Variants in CSDE1 observed in about 807,000 individuals in gnomAD.
CSDE1 encodes the protein cold shock domain-containing protein E1.
Under a neutral mutation model 89.3 loss-of-function variants are expected in CSDE1, and 17 were observed. The observed-to-expected ratio is 0.19, with a 90% CI of 0.13 to 0.29. The LOEUF is 0.29. Ranked by LOEUF, CSDE1 falls within the 10% of genes least tolerant of loss-of-function variation. CSDE1 has a pLI of 1.00. For synonymous variants in CSDE1, 322 were observed against 332.8 expected (o/e 0.97, Z 0.35); for missense variants, 672 against 984.2 (o/e 0.68, Z 4.24).
At chr1:114,741,495 G>A (rs1200972890) in intron 2 of CSDE1, 2 of 1,534,990 alleles carry the variant, frequency 1.3e-6, no homozygotes, top group Non-Finnish European at 1.8e-6. Context: ...CACAAAGCAA[G>A]GTAAGCTGAG....
chr1:114,732,209 C>T (rs1373932424), intron 10 of CSDE1, among the ~76,000 whole-genome samples: 1 of 151,990 alleles, frequency 6.6e-6, no homozygotes, highest in East Asian at 1.9e-4. Context: ...CTTTTGGCTT[C>T]CCTGGACCAC....
At chr1:114,751,693 T>TA (rs11370161) in intron 1 of CSDE1, among the ~76,000 whole-genome samples, 10,622 of 142,264 alleles carry the variant, frequency 0.075, 539 homozygotes, top group African/African-American at 0.15. Context: ...TGGGAAGCTT[T>TA]AAAAAAAAAA....
intron 1 of CSDE1, among the ~76,000 whole-genome samples, chr1:114,757,058 C>T (rs1377606991): frequency 6.6e-6 from 1 of 152,194 alleles, no homozygotes. Flanking sequence ...ATGAGAACTA[C>T]AGGAGGTGGA....
chr1:114,735,982 T>C (rs913697094), intron 6 of CSDE1, among the ~76,000 whole-genome samples: 11 of 152,220 alleles, frequency 7.2e-5, no homozygotes, highest in East Asian at 1.9e-4. Context: ...CACTCAAAAA[T>C]TGCCAAGATA....
At chr1:114,725,386 T>TA in intron 14 of CSDE1, 53 bp from the exon 15 acceptor site, 1 of 1,321,976 alleles carries the variant, frequency 7.6e-7, no homozygotes, top group Non-Finnish European at 1.1e-6. Context: ...ACATCAACAG[T>TA]AACAGGCAGT....
chr1:114,747,186 T>G (rs1444802884), intron 2 of CSDE1, among the ~76,000 whole-genome samples: 1 of 152,244 alleles, frequency 6.6e-6, no homozygotes, highest in Non-Finnish European at 1.5e-5. Context: ...TATTCTTTCT[T>G]GCCATTTTAT....
intron 16 of CSDE1, among the ~76,000 whole-genome samples, chr1:114,723,047 CGG>C (rs768589442): frequency 6.6e-6 from 1 of 151,942 alleles, no homozygotes; most frequent in Non-Finnish European, 1.5e-5. Context: ...ATAGTAGAGA[CGG>C]GGTTTCACCA....
chr1:114,726,851 T>C, intron 13 of CSDE1, 132 bp downstream of exon 13: 1 of 593,890 alleles, frequency 1.7e-6, no homozygotes, highest in Non-Finnish European at 3.0e-6. Context: ...AAATACAAGA[T>C]ATTCATGTAT....
At chr1:114,723,772 T>C (rs1195760821) in intron 16 of CSDE1, 111 bp downstream of exon 16, 2 of 1,470,394 alleles carry the variant, frequency 1.4e-6, no homozygotes, top group East Asian at 4.6e-5. Context: ...TTTTCCTTAA[T>C]TCAGTTTTAA....
chr1:114,734,224 A>G (rs1660268406), intron 7 of CSDE1, 107 bp from the exon 8 acceptor site: 2 of 1,315,928 alleles, frequency 1.5e-6, no homozygotes, highest in African/African-American at 1.5e-5. Context: ...TCACAATAAT[A>G]TAATTTGGTA....
chr1:114,734,173 T>G lies in CSDE1; in HGVS notation c.583-56A>C. 3 of 1,561,794 alleles carry G rather than the reference T, an allele frequency of 1.9e-6. No homozygotes were observed. In the South Asian group the frequency reaches 3.6e-5, roughly 19 times the overall value. On this transcript the variant is annotated intron_variant, in intron 7 of 19. Transcript: ENST00000358528. ...TTACCACTCTGTACAAATTTATGAT[T>G]ACAACTTAAAACCAGTAATTTTTGT... is the stretch of plus-strand genomic sequence containing the variant.
chr1:114,746,427 T>G (rs574766383), intron 2 of CSDE1: 1 of 152,162 alleles, frequency 6.6e-6, no homozygotes, highest in African/African-American at 2.4e-5. Context: ...ATAAAAAAAC[T>G]ATAACCTAAT....
chr1:114,738,166 T>A (rs2101052534), intron 3 of CSDE1, 94 bp from the exon 4 acceptor site: 2 of 947,092 alleles, frequency 2.1e-6, no homozygotes, highest in Middle Eastern at 4.4e-4. Flanking sequence ...TTGAATTGCC[T>A]TAGACCAGTG....
At position 114,717,073 on chromosome 1, in the gene CSDE1, T is replaced by TC. The variant is rs1013418878; in HGVS notation, c.*1095dup. 5 of 152,676 alleles carry TC rather than the reference T, an allele frequency of 3.3e-5. No homozygotes were observed. The highest frequency in any genetic ancestry group is 6.5e-5 in the Admixed American group (1 of 15,274). 9.5% of individuals were successfully genotyped at this position (152,676 alleles called of 1,614,324 possible). On this transcript the variant is annotated 3_prime_UTR_variant, in exon 20 of 20. Coordinates refer to ENST00000358528, the MANE Select transcript of CSDE1 (RefSeq NM_001007553.3). ...GACAAGGGGGAAGATAAAACCGCCC[T>TC]CCCCCACATCCCCTGAGCTGACCCT... is the stretch of plus-strand genomic sequence containing the variant.
intron 16 of CSDE1, 130 bp from the exon 17 acceptor site, chr1:114,720,847 G>T (rs749852563): frequency 1.0e-5 from 8 of 781,624 alleles, no homozygotes; most frequent in African/African-American, 3.5e-5. Context: ...TCAGTACTCA[G>T]AAGTTTCACC....
rs750204808 is a variant in CSDE1, at chr1:114,730,363, C to G, written c.1251G>C (p.Thr417=). The G allele has an allele frequency of 1.2e-6, 2 of 1,613,984 alleles. No homozygotes were observed. The highest frequency in any genetic ancestry group is 2.7e-5 in the African/African-American group (2 of 74,898). The part of the protein sequence containing the change: ...AIRIKKLPKG[T]VSFHSHSDHR... ...GATCTGAATGGGAATGAAATGAAACCGTGCCCTTGGGAAGTTTTTTAATCC... is the reference window on the plus strand; with the variant it reads ...GATCTGAATGGGAATGAAATGAAACGGTGCCCTTGGGAAGTTTTTTAATCC... The change falls in exon 12 of 20, where the codon ACG becomes ACC. Residue 417 remains threonine (T), a synonymous_variant. Coordinates refer to ENST00000358528, the MANE Select transcript of CSDE1 (RefSeq NM_001007553.3).
intron 2 of CSDE1, 35 bp from the exon 3 acceptor site, chr1:114,739,925 G>A (rs200606769): frequency 1.4e-4 from 212 of 1,525,280 alleles, no homozygotes; most frequent in Admixed American, 2.0e-4. Flanking sequence ...ATACATATCT[G>A]TACATTATCT....
Position 114,723,886 on chromosome 1 carries a change from C to T in CSDE1, c.1870G>A (p.Glu624Lys), listed in dbSNP as rs138010811. ...EYQGMIEIVE[E>K]GDMKGEVYPF... is the part of the protein sequence containing the mutation. ...GCCTGATAGTGATGATCCTTACCCT[C>T]CTCCACAATCTCAATCATTCCTTGG... Residue 624 changes from glutamate to lysine, a missense_variant, in exon 16 of 20, where the codon GAG (glutamate) becomes AAG (lysine). By Grantham distance (56) the Glu-to-Lys change is moderately conservative (BLOSUM62 1). This residue lies in a region of CSDE1 where 206 missense variants were observed against 332.4 expected (regional missense o/e 0.62). Coordinates refer to ENST00000358528, the MANE Select transcript of CSDE1 (RefSeq NM_001007553.3). 6.2e-7 allele frequency: 1 copy of T among 1,613,960 alleles called. No homozygotes were observed. Among genetic ancestry groups the T allele is most frequent in the South Asian group, 1.1e-5 (1 of 91,066 alleles).
rs747693990 is a variant in CSDE1 at position 114,720,633 on chromosome 1, T to C, written c.1958A>G (p.Lys653Arg). ...GDCLQKGESV[K>R]FQLCVLGQNA... ...TTGGCCCAGGACACACAATTGGAAC[T>C]TGACGCTCTCCCCTTTCTGCAGGCA... The change falls in exon 17 of 20, where the codon AAG becomes AGG. Residue 653 changes from lysine to arginine, a missense_variant. By Grantham distance (26) the Lys-to-Arg change is conservative. This residue lies in a region of CSDE1 where 206 missense variants were observed against 332.4 expected (regional missense o/e 0.62). Transcript: ENST00000358528. 1 of 1,614,160 alleles carries C rather than the reference T, an allele frequency of 6.2e-7. No homozygotes were observed. Among genetic ancestry groups the C allele is most frequent in the East Asian group, 2.2e-5 (1 of 44,862 alleles).
Sources: gnomAD v4.1 joint callset for allele counts (sites outside exome capture counted in the v4.1 genomes callset) on GRCh38, gnomAD v4.1.1 for gene constraint, gnomAD v4.1.1 regional missense constraint, MANE v1.5 for transcripts, NCBI Gene and HGNC (gene_info 2026-07-23, HGNC 2026-07-21) for gene names.